Variants in CILK1 observed in about 807,000 individuals in gnomAD.
CILK1 encodes serine/threonine-protein kinase ICK.
Under a neutral mutation model 79.2 loss-of-function variants are expected in CILK1, and 47 were observed. That is an observed-to-expected ratio of 0.59 (90% CI 0.47 to 0.76). The LOEUF is 0.76. Among genes scored for constraint, CILK1 ranks in the 30% least tolerant of loss-of-function variants. CILK1 has a pLI of 0.00. For synonymous variants in CILK1, 266 were observed against 275.9 expected, an observed-to-expected ratio of 0.96 and a Z score of 0.36; for missense variants, 660 against 769.5, an observed-to-expected ratio of 0.86 and a Z score of 1.68.
chr6:53,053,065 A>AG (rs397948778), intron 1 of CILK1, among the ~76,000 whole-genome samples: 1 of 151,330 alleles, frequency 6.6e-6, no homozygotes, highest in Non-Finnish European at 1.5e-5. Flanking sequence ...AAAAAAAAAA[A>AG]CCTTATACTT....
rs147532796 is a variant in CILK1 at position 53,026,401 on chromosome 6, G to A, written c.358+4664C>T. ...TGACCTTAGATGATCCGTCCACCTC[G>A]GCTTCCCAAAGTGCTGGGATTACAG... On this transcript the variant is annotated intron_variant, in intron 5 of 13. Transcript: ENST00000676107. 2.0e-4 allele frequency among the ~76,000 whole-genome samples: 30 copies of A among 152,180 alleles called. 1 individual carries two copies. Among genetic ancestry groups the A allele is most frequent in the Admixed American group, 5.2e-4 (8 of 15,286 alleles).
chr6:53,056,827 T>G (rs1040640005), intron 1 of CILK1, among the ~76,000 whole-genome samples: 2 of 152,234 alleles, frequency 1.3e-5, no homozygotes, highest in Non-Finnish European at 2.9e-5. Flanking sequence ...GATTTTCCTA[T>G]ACTACCACGT....
intron 1 of CILK1, among the ~76,000 whole-genome samples, chr6:53,050,040 GA>G (rs1319751590): frequency 3.9e-5 from 6 of 152,028 alleles, no homozygotes; most frequent in East Asian, 1.9e-4. Flanking sequence ...GTTCTAACAG[GA>G]AAAAAGGTTT....
At chr6:53,045,983 T>C (rs1283086807) in intron 1 of CILK1, among the ~76,000 whole-genome samples, 1 of 152,216 alleles carries the variant, frequency 6.6e-6, no homozygotes, top group East Asian at 1.9e-4. Context: ...AGTTAGAATA[T>C]TTTTCTTCAT....
At chr6:53,037,678 A>C (rs1448944275) in intron 3 of CILK1, among the ~76,000 whole-genome samples, 2 of 152,238 alleles carry the variant, frequency 1.3e-5, no homozygotes, top group Non-Finnish European at 2.9e-5. Flanking sequence ...ATAGGCAATA[A>C]TAATTCACTA....
At chr6:53,006,075 C>T (rs1333868143) in intron 13 of CILK1, among the ~76,000 whole-genome samples, 1 of 152,138 alleles carries the variant, frequency 6.6e-6, no homozygotes, top group Non-Finnish European at 1.5e-5. Flanking sequence ...GTAACCTGTA[C>T]CCCACACTCC....
intron 5 of CILK1, among the ~76,000 whole-genome samples, chr6:53,027,297 G>A (rs1296581194): frequency 6.6e-6 from 1 of 152,226 alleles, no homozygotes. Context: ...GCACGGATAA[G>A]TGTGACCTGG....
intron 1 of CILK1, among the ~76,000 whole-genome samples, chr6:53,057,504 A>G (rs985058169): frequency 9.9e-5 from 15 of 152,258 alleles, no homozygotes; most frequent in African/African-American, 2.2e-4. Flanking sequence ...AGTTACTTTC[A>G]TGATATTGTC....
chr6:53,038,313 G>T (rs1489463845), intron 2 of CILK1, among the ~76,000 whole-genome samples: 4 of 152,202 alleles, frequency 2.6e-5, no homozygotes, highest in Non-Finnish European at 5.9e-5. Context: ...GAGCTGTCCA[G>T]CAGAACTTTC....
At chr6:53,028,807 T>G (rs1188571911) in intron 5 of CILK1, among the ~76,000 whole-genome samples, 2 of 151,406 alleles carry the variant, frequency 1.3e-5, no homozygotes, top group African/African-American at 4.9e-5. Flanking sequence ...TGCTAAATTA[T>G]GTACTACAGA....
chr6:53,039,001 G>C (rs902138607), intron 2 of CILK1, among the ~76,000 whole-genome samples: 4 of 152,198 alleles, frequency 2.6e-5, no homozygotes, highest in African/African-American at 9.6e-5. Context: ...AAACAGAGAA[G>C]GTACACGACT....
chr6:53,032,674 CACAAA>C lies in CILK1; in HGVS notation c.157-25_157-21del. 1 of 1,581,822 alleles carries C rather than the reference CACAAA, an allele frequency of 6.3e-7. No individual in the cohort carries two copies. The highest frequency in any genetic ancestry group is 8.6e-7 in the Non-Finnish European group (1 of 1,158,688). ...TAAAGACTAAAAGGCAAGGAATAAA[CACAAA>C]ACAAAACAAATATTAGAGAAAATCT... On this transcript the variant is annotated intron_variant, in intron 3 of 13. Transcript: ENST00000676107.
At chr6:53,017,254 C>A (rs193218093) in intron 7 of CILK1, among the ~76,000 whole-genome samples, 1 of 152,142 alleles carries the variant, frequency 6.6e-6, no homozygotes, top group East Asian at 1.9e-4. Flanking sequence ...GTGCTGGGAC[C>A]TGGGAAAATA....
intron 2 of CILK1, among the ~76,000 whole-genome samples, chr6:53,038,211 G>C (rs1766480490): frequency 6.6e-6 from 1 of 152,168 alleles, no homozygotes; most frequent in Non-Finnish European, 1.5e-5. Flanking sequence ...GTGTGGTGCA[G>C]TCCAAAGAGG....
At chr6:53,011,089 A>G (rs913509625) in intron 11 of CILK1, among the ~76,000 whole-genome samples, 3 of 152,172 alleles carry the variant, frequency 2.0e-5, no homozygotes, top group African/African-American at 7.2e-5. Context: ...GATACCCACC[A>G]AACTATAGCA....
At chr6:53,059,414 G>A (rs1768226775) in intron 1 of CILK1, among the ~76,000 whole-genome samples, 1 of 152,134 alleles carries the variant, frequency 6.6e-6, no homozygotes, top group African/African-American at 2.4e-5. Flanking sequence ...TAAACCAATT[G>A]GAGATCAATA....
chr6:53,040,222 C>G lies in CILK1; in HGVS notation c.101+914G>C, dbSNP rs536717471. Among the ~76,000 whole-genome samples the G allele has an allele frequency of 6.6e-5, 10 of 152,310 alleles. No homozygotes were observed. The East Asian group carries it at 1.7e-3, about 26-fold the overall frequency. ...GCTACCCAGGGCCTTTTAGAACCCCCTCTCCTTCAACGACTTGCTTCTAAC... is the reference window on the plus strand; with the variant it reads ...GCTACCCAGGGCCTTTTAGAACCCCGTCTCCTTCAACGACTTGCTTCTAAC... On this transcript the variant is annotated intron_variant, in intron 2 of 13. Transcript: ENST00000676107.
chr6:53,019,852 T>A (rs1218280558), intron 5 of CILK1, among the ~76,000 whole-genome samples: 4 of 151,408 alleles, frequency 2.6e-5, no homozygotes, highest in African/African-American at 9.7e-5. Flanking sequence ...TTTTTGTTTT[T>A]GTAAAGATAG....
intron 1 of CILK1, among the ~76,000 whole-genome samples, chr6:53,053,224 T>C (rs749751377): frequency 7.2e-5 from 11 of 152,206 alleles, no homozygotes; most frequent in African/African-American, 1.2e-4. Flanking sequence ...CTGGTACAGA[T>C]AGTTAACACT....
Sources: gnomAD v4.1 joint callset for allele counts (sites outside exome capture counted in the v4.1 genomes callset) on GRCh38, gnomAD v4.1.1 for gene constraint, MANE v1.5 for transcripts, NCBI Gene and HGNC (gene_info 2026-07-23, HGNC 2026-07-21) for gene names.